Variants in NFIL3 observed in about 807,000 individuals in gnomAD.
NFIL3 encodes the protein nuclear factor, interleukin 3 regulated.
A neutral mutation model predicts 10.0 loss-of-function variants in NFIL3; 5 were observed. The observed-to-expected ratio is 0.50, with a 90% CI of 0.26 to 1.06. The LOEUF (loss-of-function observed/expected upper bound fraction) is 1.06, where lower values mean the gene tolerates loss of function less well. Among genes scored for constraint, NFIL3 ranks in the 50% least tolerant of loss-of-function variants. NFIL3 has a pLI of 0.13. For synonymous variants in NFIL3, 202 were observed against 206.5 expected (o/e 0.98, Z 0.19); for missense variants, 436 against 547.6 (o/e 0.80, Z 2.03).
At chr9:91,427,254 CT>C (rs1330749019), upstream of NFIL3, 1 of 152,140 alleles carries the variant, frequency 6.6e-6, no homozygotes, top group Non-Finnish European at 1.5e-5. Context: ...GACTGCAGGA[CT>C]TACCTACCCA....
chr9:91,440,776 A>G, the NFIL3 span, among the ~76,000 whole-genome samples: 1 of 114,308 alleles, frequency 8.7e-6, no homozygotes, highest in South Asian at 3.3e-4. Flanking sequence ...ATTGCTTAGG[A>G]GCATGTTGTT....
At chr9:91,456,480 A>G in the NFIL3 span, among the ~76,000 whole-genome samples, 2 of 152,050 alleles carry the variant, frequency 1.3e-5, no homozygotes, top group African/African-American at 4.8e-5. Flanking sequence ...TATTTTAAAC[A>G]CCTTTCCCAT....
Position 91,414,840 on chromosome 9 carries a change from G to A in NFIL3, c.-172-3934C>T, listed in dbSNP as rs142172954. On this transcript the variant is annotated intron_variant, in intron 1 of 1. Coordinates refer to ENST00000297689, the MANE Select transcript of NFIL3 (RefSeq NM_005384.3). ...TGTCTTTTGTGCCCAACTACACTGC[G>A]AATTACTTCAGGGCGGAAATTAAAA... Among the ~76,000 whole-genome samples the A allele has an allele frequency of 2.2e-3, 330 of 152,246 alleles. 2 individuals are homozygous for A. Among genetic ancestry groups the A allele is most frequent in the African/African-American group, 7.7e-3 (320 of 41,534 alleles).
rs574960784 is a variant in NFIL3 at position 91,414,976 on chromosome 9, GCTTT to G, written c.-172-4074_-172-4071del. ...TTTGTAAACAGAAAACTTTTTTGAT[GCTTT>G]CTTTTTAATGTTATGTGAATTGTAA... On this transcript the variant is annotated intron_variant, in intron 1 of 1. Coordinates refer to ENST00000297689, the MANE Select transcript of NFIL3 (RefSeq NM_005384.3). Among the ~76,000 whole-genome samples, 51 of 152,278 alleles carry G rather than the reference GCTTT, an allele frequency of 3.3e-4. No homozygotes were observed. The South Asian group carries it at 0.01, about 31-fold the overall frequency.
chr9:91,450,932 G>C, the NFIL3 span, among the ~76,000 whole-genome samples: 1 of 152,066 alleles, frequency 6.6e-6, no homozygotes, highest in Admixed American at 6.6e-5. Context: ...TACCTAACCA[G>C]CTTCAGCTTT....
intron 1 of NFIL3, among the ~76,000 whole-genome samples, chr9:91,417,827 C>T (rs80014265): frequency 0.03 from 4,507 of 152,254 alleles, 92 homozygotes; most frequent in Non-Finnish European, 0.043. Context: ...CACACACTCT[C>T]GCACACTGCC....
the NFIL3 span, among the ~76,000 whole-genome samples, chr9:91,464,915 C>A: frequency 0.45 from 68,468 of 151,878 alleles, 19,289 homozygotes; most frequent in African/African-American, 0.79. Flanking sequence ...GCTCTCTTAG[C>A]GTTAAGCTGT....
At chr9:91,458,562 AT>A in the NFIL3 span, among the ~76,000 whole-genome samples, 23 of 151,354 alleles carry the variant, frequency 1.5e-4, no homozygotes, top group East Asian at 1.9e-3. Context: ...GAAGTTATCC[AT>A]TTTTTTTATC....
the NFIL3 span, among the ~76,000 whole-genome samples, chr9:91,481,131 C>T: frequency 6.6e-6 from 1 of 152,186 alleles, no homozygotes; most frequent in African/African-American, 2.4e-5. Context: ...AAGACTCCTT[C>T]AGCTAACAAC....
Position 91,423,788 on chromosome 9 carries a change from G to GCGCC in NFIL3, c.-325_-322dup, listed in dbSNP as rs1045498278. 1 of 145,136 alleles carries GCGCC rather than the reference G, an allele frequency of 6.9e-6. No homozygotes were observed. Among genetic ancestry groups the GCGCC allele is most frequent in the Non-Finnish European group, 1.5e-5 (1 of 65,412 alleles). The allele number at this position is 145,136 out of a possible 1,614,324, so 9.0% of individuals were successfully genotyped here. ...GGCGCGGCGCGGGAGGCGGGCGGGCGCGCCGGGTCCGCGGGCGCCGTGGCC... is the reference window on the plus strand; with the variant it reads ...GGCGCGGCGCGGGAGGCGGGCGGGCGCGCCCGCCGGGTCCGCGGGCGCCGTGGCC... On this transcript the variant is annotated 5_prime_UTR_variant, in exon 1 of 2. Transcript: ENST00000297689.
At chr9:91,458,850 A>C in the NFIL3 span, among the ~76,000 whole-genome samples, 1 of 152,304 alleles carries the variant, frequency 6.6e-6, no homozygotes, top group East Asian at 1.9e-4. Context: ...TCTTGGTGTC[A>C]AGAAAATTAA....
chr9:91,463,673 G>A, the NFIL3 span, among the ~76,000 whole-genome samples: 1 of 152,080 alleles, frequency 6.6e-6, no homozygotes, highest in African/African-American at 2.4e-5. Flanking sequence ...ATAAATTAGA[G>A]CTAGTTGATT....
chr9:91,462,636 G>A, the NFIL3 span, among the ~76,000 whole-genome samples: 13 of 152,066 alleles, frequency 8.5e-5, no homozygotes, highest in Admixed American at 2.6e-4. Context: ...ATTCATGAGA[G>A]ATATTGGTCT....
the NFIL3 span, among the ~76,000 whole-genome samples, chr9:91,454,169 G>A: frequency 6.6e-6 from 1 of 151,200 alleles, no homozygotes; most frequent in Non-Finnish European, 1.5e-5. Flanking sequence ...GGGAAGTGGA[G>A]GTTGCAGCGA....
chr9:91,480,100 C>T, the NFIL3 span, among the ~76,000 whole-genome samples: 1 of 151,866 alleles, frequency 6.6e-6, no homozygotes, highest in Admixed American at 6.6e-5. Flanking sequence ...TCCTATTTGG[C>T]CATCTTGCCA....
chr9:91,456,838 G>A, the NFIL3 span, among the ~76,000 whole-genome samples: 7 of 151,948 alleles, frequency 4.6e-5, no homozygotes, highest in African/African-American at 1.7e-4. Flanking sequence ...TTTACATTTA[G>A]GTCTGTGATC....
At chr9:91,437,677 C>G in the NFIL3 span, among the ~76,000 whole-genome samples, 1 of 152,166 alleles carries the variant, frequency 6.6e-6, no homozygotes, top group Non-Finnish European at 1.5e-5. Context: ...CCTCCCTAGC[C>G]CCACCCCTGG....
the NFIL3 span, among the ~76,000 whole-genome samples, chr9:91,480,256 A>G: frequency 1.3e-5 from 2 of 151,960 alleles, no homozygotes; most frequent in African/African-American, 4.8e-5. Context: ...ATGAATAGCC[A>G]GGAAAAAGTT....
the NFIL3 span, among the ~76,000 whole-genome samples, chr9:91,434,897 C>T: frequency 6.6e-6 from 1 of 152,116 alleles, no homozygotes; most frequent in African/African-American, 2.4e-5. Context: ...GGCCATAGGC[C>T]TGTAGTTTGC....
Sources: gnomAD v4.1 joint callset for allele counts (sites outside exome capture counted in the v4.1 genomes callset) on GRCh38, gnomAD v4.1.1 for gene constraint, MANE v1.5 for transcripts, NCBI Gene and HGNC (gene_info 2026-07-23, HGNC 2026-07-21) for gene names.